ABCD2: variants seen among roughly 807,000 people sequenced by gnomAD.
ABCD2 encodes ATP-binding cassette sub-family D member 2.
ABCD2 carries 36 observed loss-of-function variants against 70.9 expected under a neutral mutation model. The ratio of observed to expected loss-of-function variants is 0.51; its 90% CI spans 0.39 to 0.67. ABCD2 has a LOEUF of 0.67. Ranked by LOEUF, ABCD2 falls within the 30% of genes least tolerant of loss-of-function variation. ABCD2 has a pLI of 0.00. For synonymous variants in ABCD2, 304 were observed against 306.9 expected (o/e 0.99, Z 0.10); for missense variants, 729 against 890.2 (o/e 0.82, Z 2.30).
Position 39,604,721 on chromosome 12 carries a change from A to C in ABCD2, c.1405+41T>G, listed in dbSNP as rs1411778410. 2.7e-6 allele frequency: 4 copies of C among 1,458,252 alleles called. No individual in the cohort carries two copies. In the East Asian group the frequency reaches 9.5e-5, roughly 34 times the overall value. The allele number at this position is 1,458,252 out of a possible 1,614,324, so 90.3% of individuals were successfully genotyped here. On this transcript the variant is annotated intron_variant, in intron 4 of 9. Transcript: ENST00000308666. ...TTAAACTTTGGTTCTGTTGATAAAT[A>C]CTTAAATATAGGAAAATATAAAAGC...
At chr12:39,607,481 C>A (rs1293369379) in intron 3 of ABCD2, 118 bp downstream of exon 3, 1 of 749,488 alleles carries the variant, frequency 1.3e-6, no homozygotes, top group Non-Finnish European at 2.2e-6. Flanking sequence ...TTATACGCAG[C>A]AATTTTTGGC....
intron 2 of ABCD2, among the ~76,000 whole-genome samples, chr12:39,613,744 G>T (rs1246302731): frequency 1.3e-5 from 2 of 152,158 alleles, no homozygotes; most frequent in Non-Finnish European, 2.9e-5. Flanking sequence ...GGCAAAGCTG[G>T]GGCTCTAGAC....
At chr12:39,607,744 AGT>A in intron 2 of ABCD2, 30 bp from the exon 3 acceptor site, 13 of 789,194 alleles carry the variant, frequency 1.6e-5, no homozygotes, top group African/African-American at 2.2e-5. Context: ...ACAAAACTTG[AGT>A]TTTTTTTTTT....
chr12:39,564,177 G>C (rs1210588129), intron 9 of ABCD2, among the ~76,000 whole-genome samples: 1 of 152,118 alleles, frequency 6.6e-6, no homozygotes, highest in African/African-American at 2.4e-5. Flanking sequence ...GGTAGTTCTA[G>C]TTCTAGATCC....
intron 6 of ABCD2, 134 bp from the exon 7 acceptor site, chr12:39,586,431 G>T: frequency 1.2e-6 from 1 of 815,142 alleles, no homozygotes; most frequent in Non-Finnish European, 1.8e-6. Flanking sequence ...GTTACCTGGC[G>T]ATGAGTACTT....
chr12:39,543,561 AAC>A, the ABCD2 span, among the ~76,000 whole-genome samples: 1 of 152,202 alleles, frequency 6.6e-6, no homozygotes, highest in East Asian at 1.9e-4. Flanking sequence ...AATTGAGAAG[AAC>A]TTAGTGTTTC....
chr12:39,566,828 G>A (rs1256213642), intron 9 of ABCD2, among the ~76,000 whole-genome samples: 3 of 152,176 alleles, frequency 2.0e-5, no homozygotes, highest in Non-Finnish European at 4.4e-5. Context: ...CTGGTACGTT[G>A]TGTCTTTGTT....
the ABCD2 span, among the ~76,000 whole-genome samples, chr12:39,541,767 T>C: frequency 6.6e-6 from 1 of 151,964 alleles, no homozygotes; most frequent in African/African-American, 2.4e-5. Flanking sequence ...TTATCAAGAG[T>C]AGAGTGAATA....
chr12:39,563,288 G>A (rs1363495010), intron 9 of ABCD2, among the ~76,000 whole-genome samples: 5 of 152,170 alleles, frequency 3.3e-5, no homozygotes, highest in Admixed American at 6.5e-5. Flanking sequence ...TACTTCGGGA[G>A]GCCAAGGTGG....
intron 9 of ABCD2, among the ~76,000 whole-genome samples, chr12:39,563,055 A>G (rs916171416): frequency 1.1e-4 from 17 of 152,206 alleles, no homozygotes; most frequent in African/African-American, 3.9e-4. Flanking sequence ...AAAATGAAGG[A>G]CAAAAAATAT....
chr12:39,540,130 T>C, the ABCD2 span, among the ~76,000 whole-genome samples: 96 of 152,308 alleles, frequency 6.3e-4, no homozygotes, highest in Non-Finnish European at 1.2e-3. Context: ...GTTGTTCTTG[T>C]TTTTAATAAT....
chr12:39,589,181 T>C (rs565694251), intron 6 of ABCD2, among the ~76,000 whole-genome samples: 1 of 152,140 alleles, frequency 6.6e-6, no homozygotes, highest in Non-Finnish European at 1.5e-5. Flanking sequence ...AAATACAAAA[T>C]GTGTTTTGTG....
chr12:39,612,822 T>C (rs189710482), intron 2 of ABCD2, among the ~76,000 whole-genome samples: 85 of 152,344 alleles, frequency 5.6e-4, no homozygotes, highest in African/African-American at 1.9e-3. Context: ...TATAATCTTA[T>C]TGGCAGTACA....
At chr12:39,540,049 T>G in the ABCD2 span, among the ~76,000 whole-genome samples, 2 of 152,330 alleles carry the variant, frequency 1.3e-5, no homozygotes, top group African/African-American at 4.8e-5. Flanking sequence ...GTGCACTGAG[T>G]GCTCACAGAC....
intron 2 of ABCD2, among the ~76,000 whole-genome samples, chr12:39,608,799 C>T (rs1300809257): frequency 6.6e-6 from 1 of 151,960 alleles, no homozygotes; most frequent in Non-Finnish European, 1.5e-5. Flanking sequence ...AATAAACAAA[C>T]ATTTATGGTG....
At chr12:39,559,918 AAACAT>A (rs1186104478) in intron 9 of ABCD2, among the ~76,000 whole-genome samples, 1 of 152,250 alleles carries the variant, frequency 6.6e-6, no homozygotes, top group Non-Finnish European at 1.5e-5. Context: ...GGTAATAAGA[AAACAT>A]TAGAAAGTAT....
chr12:39,578,265 G>A (rs919517601), intron 8 of ABCD2, among the ~76,000 whole-genome samples: 3 of 152,088 alleles, frequency 2.0e-5, no homozygotes, highest in Admixed American at 6.5e-5. Flanking sequence ...ACGAGGTCAG[G>A]AGATCGAGAC....
intron 6 of ABCD2, among the ~76,000 whole-genome samples, chr12:39,597,314 T>C (rs1941829958): frequency 6.6e-6 from 1 of 152,196 alleles, no homozygotes; most frequent in African/African-American, 2.4e-5. Flanking sequence ...ATTGTTAGCA[T>C]ACTATAAAAT....
At chr12:39,559,131 G>A (rs1039983063) in intron 9 of ABCD2, among the ~76,000 whole-genome samples, 2 of 152,030 alleles carry the variant, frequency 1.3e-5, no homozygotes, top group Admixed American at 6.6e-5. Flanking sequence ...CCATCACTTC[G>A]GGAGGCTGAG....
Sources: gnomAD v4.1 joint callset for allele counts (sites outside exome capture counted in the v4.1 genomes callset) on GRCh38, gnomAD v4.1.1 for gene constraint, MANE v1.5 for transcripts, NCBI Gene and HGNC (gene_info 2026-07-23, HGNC 2026-07-21) for gene names.